MAN2B2: variants seen among roughly 807,000 people sequenced by gnomAD.
MAN2B2 encodes the protein epididymis-specific alpha-mannosidase.
In MAN2B2, 106 loss-of-function variants were observed where a neutral mutation model predicts 117.1. That is an observed-to-expected ratio of 0.90 (90% confidence interval 0.77 to 1.06). The LOEUF is 1.06. Ranked by LOEUF, MAN2B2 falls within the 50% of genes least tolerant of loss-of-function variation. The pLI is 0.00. For synonymous variants in MAN2B2, 544 were observed against 595.1 expected, an observed-to-expected ratio of 0.91 and a Z score of 1.25; for missense variants, 1,326 against 1,381.4, an observed-to-expected ratio of 0.96 and a Z score of 0.64.
At chr4:6,579,337 C>CCACCAT (rs1560635121) in intron 3 of MAN2B2, among the ~76,000 whole-genome samples, 1 of 83,190 alleles carries the variant, frequency 1.2e-5, no homozygotes, top group African/African-American at 4.3e-5. Flanking sequence ...ACCACCACCA[C>CCACCAT]CACCATCACC....
rs1301292810 is a variant in MAN2B2 at position 6,594,681 on chromosome 4, A to AT, written c.1006_1007insT (p.Asn336IlefsTer86). 1 of 1,613,006 alleles carries AT rather than the reference A, an allele frequency of 6.2e-7. No individual in the cohort carries two copies. The highest frequency in any genetic ancestry group is 1.1e-5 in the South Asian group (1 of 91,042). ...CTACTTCCGTGCCCTGCACGCTCTC[A>AT]ATGTCACCTGGCGTGTCCGCGACCA... On this transcript the variant is annotated frameshift_variant, in exon 7 of 19. Coordinates refer to ENST00000285599, the MANE Select transcript of MAN2B2 (RefSeq NM_015274.3). LOFTEE classifies it high-confidence loss of function.
At chr4:6,575,758 G>A (rs1433640883) in intron 1 of MAN2B2, among the ~76,000 whole-genome samples, 1 of 152,110 alleles carries the variant, frequency 6.6e-6, no homozygotes, top group Non-Finnish European at 1.5e-5. Flanking sequence ...AGCGTCCTCC[G>A]CCCCCCAGGA....
chr4:6,589,786 G>A (rs1028339804), intron 5 of MAN2B2, among the ~76,000 whole-genome samples: 1 of 152,204 alleles, frequency 6.6e-6, no homozygotes, highest in Non-Finnish European at 1.5e-5. Context: ...ATTGTTTAAA[G>A]GATGAGATCT....
intron 3 of MAN2B2, among the ~76,000 whole-genome samples, chr4:6,579,289 TCACCACCACCATCACCACCAC>T (rs1726294706): frequency 6.7e-5 from 1 of 14,854 alleles, no homozygotes; most frequent in Non-Finnish European, 1.4e-4. Flanking sequence ...ACCATCACCA[TCACCACCACCATCACCACCAC>T]CACCACCATC....
chr4:6,593,716 G>A (rs905851878), intron 6 of MAN2B2, among the ~76,000 whole-genome samples: 1 of 152,232 alleles, frequency 6.6e-6, no homozygotes, highest in South Asian at 2.1e-4. Flanking sequence ...GAGGTGAAGC[G>A]TTCCCGGGAA....
In MAN2B2 at chr4:6,604,626, G is replaced by A. The variant is rs143320205; in HGVS notation, c.1540-429G>A. ...TGCTGCAGGGAGCAGATTTGGGTGG[G>A]ATGGGGTAGCTGGTGAGGTCAGCTG... On this transcript the variant is annotated intron_variant, in intron 10 of 18. Coordinates refer to ENST00000285599, the MANE Select transcript of MAN2B2 (RefSeq NM_015274.3). 5.7e-3 allele frequency among the ~76,000 whole-genome samples: 861 copies of A among 152,158 alleles called. 8 individuals are homozygous for A. Among genetic ancestry groups the A allele is most frequent in the African/African-American group, 0.02 (815 of 41,494 alleles).
chr4:6,614,724 C>T (rs1711779355), intron 16 of MAN2B2, among the ~76,000 whole-genome samples: 1 of 152,232 alleles, frequency 6.6e-6, no homozygotes, highest in African/African-American at 2.4e-5. Context: ...CCCAAATTCC[C>T]ACTCATCCTC....
At chr4:6,608,739 A>G (rs1048641655) in intron 11 of MAN2B2, among the ~76,000 whole-genome samples, 1 of 152,118 alleles carries the variant, frequency 6.6e-6, no homozygotes, top group Admixed American at 6.5e-5. Flanking sequence ...GTCTGTACAC[A>G]TGGGTGTCCT....
At chr4:6,592,913 T>A (rs1726910199) in intron 5 of MAN2B2, among the ~76,000 whole-genome samples, 1 of 152,256 alleles carries the variant, frequency 6.6e-6, no homozygotes, top group African/African-American at 2.4e-5. Flanking sequence ...TTTTGTGCCC[T>A]AGGCCAGGGC....
At position 6,579,434 on chromosome 4, in the gene MAN2B2, CCACCCTT is replaced by C. The variant is rs1423448934; in HGVS notation, c.391+941_391+947del. ...ATCACCATCACCACCACCATCACCA[CCACCCTT>C]CACCATCACCACCACCCTTCACCAC... On this transcript the variant is annotated intron_variant, in intron 3 of 18. Coordinates refer to ENST00000285599, the MANE Select transcript of MAN2B2 (RefSeq NM_015274.3). 1.4e-4 allele frequency among the ~76,000 whole-genome samples: 20 copies of C among 139,506 alleles called. No homozygotes were observed. In the East Asian group the frequency reaches 2.8e-3, roughly 19 times the overall value. The allele number at this position is 139,506 out of a possible 152,430, so 91.5% of individuals were successfully genotyped here. A position where few individuals can be genotyped will look rare whatever the true frequency, so the allele number is the denominator to read the frequency against.
Position 6,587,298 on chromosome 4 carries a change from G to C in MAN2B2, c.564+130G>C, listed in dbSNP as rs565585135. ...AATTCTTGGCAGCTGCATAGACCGC[G>C]GGGCTGTCCCCTAACCTTTGCTCTT... On this transcript the variant is annotated intron_variant, in intron 4 of 18. Coordinates refer to ENST00000285599, the MANE Select transcript of MAN2B2 (RefSeq NM_015274.3). 2.6e-6 allele frequency: 3 copies of C among 1,141,412 alleles called. No homozygotes were observed. The Admixed American group carries it at 8.2e-5, about 31-fold the overall frequency. The allele number at this position is 1,141,412 out of a possible 1,614,324, so 70.7% of individuals were successfully genotyped here. A position where few individuals can be genotyped will look rare whatever the true frequency, so the allele number is the denominator to read the frequency against.
Position 6,609,797 on chromosome 4 carries a change from G to A in MAN2B2, c.2007-1G>A, listed in dbSNP as rs1727693803. The A allele has an allele frequency of 6.2e-7, 1 of 1,605,114 alleles. No individual in the cohort carries two copies. ...CTTACTGATGCTCCCTTCTCCTCCA[G>A]GAACATGACAGCACAGAATTACACG... On this transcript the variant is annotated splice_acceptor_variant, in intron 12 of 18. Coordinates refer to ENST00000285599, the MANE Select transcript of MAN2B2 (RefSeq NM_015274.3). LOFTEE classifies it high-confidence loss of function.
Position 6,587,097 on chromosome 4 carries a change from C to T in MAN2B2, c.493C>T (p.Leu165=), listed in dbSNP as rs1726664493. Residue 165 remains leucine, a synonymous_variant, in exon 4 of 19, where the codon CTG becomes TTG. Transcript: ENST00000285599. ...ASATTPTLFA[L]AGFNAHLGSR... ...TGCCACGACGCCCACCCTATTTGCG[C>T]TGGCGGGCTTCAATGCCCACCTCGG... is the stretch of plus-strand genomic sequence containing the variant. The T allele has an allele frequency of 3.1e-6, 5 of 1,613,930 alleles. No individual in the cohort carries two copies. The highest frequency in any genetic ancestry group is 4.2e-6 in the Non-Finnish European group (5 of 1,180,044).
At chr4:6,591,233 G>A (rs1342194704) in intron 5 of MAN2B2, among the ~76,000 whole-genome samples, 2 of 152,154 alleles carry the variant, frequency 1.3e-5, no homozygotes, top group African/African-American at 4.8e-5. Flanking sequence ...TCCTTGTCTT[G>A]CGGAGCTGCC....
intron 3 of MAN2B2, among the ~76,000 whole-genome samples, chr4:6,579,811 G>A (rs1424178351): frequency 6.6e-6 from 1 of 152,154 alleles, no homozygotes; most frequent in Non-Finnish European, 1.5e-5. Flanking sequence ...CAGTGCCGTG[G>A]GGCACTCTAC....
intron 3 of MAN2B2, among the ~76,000 whole-genome samples, chr4:6,585,686 T>A (rs1470354552): frequency 6.6e-6 from 1 of 151,932 alleles, no homozygotes; most frequent in Non-Finnish European, 1.5e-5. Flanking sequence ...AGCCAGGGGG[T>A]TCTGGCTCAG....
intron 15 of MAN2B2, among the ~76,000 whole-genome samples, chr4:6,612,567 A>G (rs1022446532): frequency 1.3e-5 from 2 of 152,256 alleles, no homozygotes; most frequent in Non-Finnish European, 2.9e-5. Context: ...GCAGAGGCTC[A>G]CAGCCATGTC....
chr4:6,587,094 G>C lies in MAN2B2; in HGVS notation c.490G>C (p.Ala164Pro), dbSNP rs779757912. Residue 164 changes from alanine (A) to proline (P), a missense_variant, in exon 4 of 19, where the codon GCG becomes CCG. By Grantham distance (27) the Ala-to-Pro change is conservative. Transcript: ENST00000285599. The stretch of plus-strand genomic sequence containing the variant: ...CTCTGCCACGACGCCCACCCTATTT[G>C]CGCTGGCGGGCTTCAATGCCCACCT... ...GASATTPTLF[A>P]LAGFNAHLGS... 5 of 1,614,020 alleles carry C rather than the reference G, an allele frequency of 3.1e-6. No individual in the cohort carries two copies. The South Asian group carries it at 4.4e-5, about 14-fold the overall frequency.
rs1727482850 is a variant in MAN2B2, at chr4:6,605,089, A to T, written c.1574A>T (p.Asp525Val). The T allele has an allele frequency of 8.1e-6, 13 of 1,613,942 alleles. No individual in the cohort carries two copies. The highest frequency in any genetic ancestry group is 1.3e-5 in the African/African-American group (1 of 74,890). The change falls in exon 11 of 19, where the codon GAC becomes GTC. Residue 525 changes from aspartate (D) to valine (V), a missense_variant. Asp to Val is a radical substitution (Grantham distance 152). Coordinates refer to ENST00000285599, the MANE Select transcript of MAN2B2 (RefSeq NM_015274.3). ...TCAACAGAGACCCCATCTGCGTATGACCTGCTTATTCTGACCACAATCCCA... is the reference window on the plus strand; with the variant it reads ...TCAACAGAGACCCCATCTGCGTATGTCCTGCTTATTCTGACCACAATCCCA... ...QNSTETPSAY[D>V]LLILTTIPGL...
Sources: gnomAD v4.1 joint callset for allele counts (sites outside exome capture counted in the v4.1 genomes callset) on GRCh38, gnomAD v4.1.1 for gene constraint, MANE v1.5 for transcripts, NCBI Gene and HGNC (gene_info 2026-07-23, HGNC 2026-07-21) for gene names.